TACC2: variants seen among roughly 807,000 people sequenced by gnomAD.
The protein encoded by TACC2 is transforming acidic coiled-coil containing protein 2.
Under a neutral mutation model 227.3 loss-of-function variants are expected in TACC2, and 137 were observed. That is an observed-to-expected ratio of 0.60 (90% CI 0.52 to 0.69). TACC2 has a LOEUF of 0.69. Among genes scored for constraint, TACC2 ranks in the 30% least tolerant of loss-of-function variants. The pLI is 0.00. For synonymous variants in TACC2, 1,523 were observed against 1,487.5 expected (o/e 1.02, Z -0.55); for missense variants, 3,470 against 3,694.4 (o/e 0.94, Z 1.57).
intron 3 of TACC2, among the ~76,000 whole-genome samples, chr10:122,077,543 G>A (rs922374254): frequency 1.3e-5 from 2 of 152,200 alleles, no homozygotes; most frequent in Non-Finnish European, 2.9e-5. Flanking sequence ...GGAGCTTCAT[G>A]CGGAATGAGG....
At chr10:122,164,864 T>C in intron 7 of TACC2, among the ~76,000 whole-genome samples, 1 of 152,084 alleles carries the variant, frequency 6.6e-6, no homozygotes, top group East Asian at 1.9e-4. Context: ...GTAGGGGTAG[T>C]AAAGTGGGTT....
intron 5 of TACC2, among the ~76,000 whole-genome samples, chr10:122,103,560 G>C (rs2082405151): frequency 6.6e-6 from 1 of 152,244 alleles, no homozygotes; most frequent in Admixed American, 6.5e-5. Flanking sequence ...CAGTTATTAA[G>C]TGGGGGAGGC....
At chr10:122,135,219 G>A (rs1343555988) in intron 6 of TACC2, among the ~76,000 whole-genome samples, 1 of 152,156 alleles carries the variant, frequency 6.6e-6, no homozygotes, top group African/African-American at 2.4e-5. Flanking sequence ...GCAGAGCTGC[G>A]GGAGAGCCAG....
At chr10:122,059,554 C>A (rs969783864) in intron 3 of TACC2, among the ~76,000 whole-genome samples, 1 of 82,010 alleles carries the variant, frequency 1.2e-5, no homozygotes, top group African/African-American at 3.3e-5. Flanking sequence ...CTCTCCTGTT[C>A]TCTCCTCTTT....
At position 122,210,069 on chromosome 10, in the gene TACC2, G is replaced by T; in HGVS notation, c.5972-328G>T. The T allele has an allele frequency of 3.1e-6, 1 of 319,406 alleles. No individual in the cohort carries two copies. The highest frequency in any genetic ancestry group is 6.5e-5 in the East Asian group (1 of 15,466). 19.8% of individuals were successfully genotyped at this position (319,406 alleles called of 1,614,324 possible). ...AAGGTTTTGTCTATTTCTGTTCCTT[G>T]TTGAATCTCTAGTACCTAGAACCAT... is the stretch of plus-strand genomic sequence containing the variant. On this transcript the variant is annotated intron_variant, in intron 8 of 22. Transcript: ENST00000369005. This position sits in a 1 kb window ranked among gnomAD's most constrained non-coding sequence, Gnocchi z 4.6.
chr10:122,078,728 A>T (rs2079118788), intron 3 of TACC2, among the ~76,000 whole-genome samples: 1 of 152,200 alleles, frequency 6.6e-6, no homozygotes, highest in African/African-American at 2.4e-5. Context: ...AGTTCTTAGA[A>T]TTTTTCCTGC....
At chr10:122,022,691 T>TC (rs1465306668) in intron 2 of TACC2, 1 of 141,172 alleles carries the variant, frequency 7.1e-6, no homozygotes, top group Admixed American at 7.6e-5. Context: ...TCCACACTGC[T>TC]CCCCCAAATA....
intron 3 of TACC2, among the ~76,000 whole-genome samples, chr10:122,056,127 AG>A (rs747771890): frequency 1.2e-4 from 19 of 152,208 alleles, no homozygotes; most frequent in Non-Finnish European, 2.2e-4. Flanking sequence ...GCCTCTGGGG[AG>A]TCTGATGCAG....
chr10:122,184,932 T>TGG (rs2094128111), intron 7 of TACC2, among the ~76,000 whole-genome samples: 1 of 151,918 alleles, frequency 6.6e-6, no homozygotes, highest in South Asian at 2.1e-4. Context: ...GCCAGGTGCT[T>TGG]GGGGAAGCTC....
chr10:122,219,465 A>G (rs370005668), intron 11 of TACC2, among the ~76,000 whole-genome samples: 1 of 152,180 alleles, frequency 6.6e-6, no homozygotes, highest in African/African-American at 2.4e-5. Context: ...AGCACCCTCA[A>G]CGTCGTAGGG....
chr10:122,219,209 C>T (rs1042308182), intron 11 of TACC2, among the ~76,000 whole-genome samples: 1 of 151,726 alleles, frequency 6.6e-6, no homozygotes, highest in African/African-American at 2.4e-5. Flanking sequence ...GCTGGAACAC[C>T]CTTCCCCCCA....
intron 8 of TACC2, among the ~76,000 whole-genome samples, chr10:122,207,745 A>G (rs1433439553): frequency 6.6e-6 from 1 of 152,230 alleles, no homozygotes. Context: ...TGGAGGAAGC[A>G]ATGAGCAGAT....
intron 3 of TACC2, among the ~76,000 whole-genome samples, chr10:122,060,729 G>T (rs1412009844): frequency 6.6e-6 from 1 of 152,242 alleles, no homozygotes; most frequent in Non-Finnish European, 1.5e-5. Context: ...AAGAGGCCAG[G>T]TGCGGTGGCT....
chr10:122,220,197 C>T (rs2095496829), intron 11 of TACC2, among the ~76,000 whole-genome samples: 1 of 151,904 alleles, frequency 6.6e-6, no homozygotes, highest in Non-Finnish European at 1.5e-5. Context: ...CTAATATATA[C>T]CTCATTCAAT....
chr10:122,162,157 C>A (rs1368086236), intron 7 of TACC2, among the ~76,000 whole-genome samples: 1 of 152,156 alleles, frequency 6.6e-6, no homozygotes, highest in East Asian at 1.9e-4. Context: ...TGGGAAATTT[C>A]ATGCTGTTAC....
At chr10:122,007,974 TC>T (rs1343020504) in intron 1 of TACC2, among the ~76,000 whole-genome samples, 1 of 152,168 alleles carries the variant, frequency 6.6e-6, no homozygotes, top group Admixed American at 6.6e-5. Flanking sequence ...TCTGACCACC[TC>T]AGGACTCTGC....
At chr10:122,157,595 G>A (rs1042746078) in intron 7 of TACC2, among the ~76,000 whole-genome samples, 5 of 151,608 alleles carry the variant, frequency 3.3e-5, no homozygotes, top group Admixed American at 3.3e-4. Flanking sequence ...TTTGGCTGTT[G>A]GGAAACTTAG....
rs1226924365 is a variant in TACC2 at position 122,096,693 on chromosome 10, C to A, written c.5573+8102C>A. 1.3e-4 allele frequency among the ~76,000 whole-genome samples: 14 copies of A among 108,948 alleles called. No homozygotes were observed. The South Asian group carries it at 4.0e-3, about 31-fold the overall frequency. 71.5% of individuals were successfully genotyped at this position (108,948 alleles called of 152,430 possible). ...CCTGGGCGACAGAGCAAAACTCCGT[C>A]TCAAAAAAAAAAAAAAAAAGACTGC... On this transcript the variant is annotated intron_variant, in intron 5 of 22. Coordinates refer to ENST00000369005, the MANE Select transcript of TACC2 (RefSeq NM_206862.4).
intron 8 of TACC2, among the ~76,000 whole-genome samples, chr10:122,200,758 C>A (rs370679741): frequency 7.0e-6 from 1 of 141,948 alleles, no homozygotes; most frequent in African/African-American, 2.7e-5. Context: ...ATGGGGAGGA[C>A]GGCCACCTCA....
Sources: gnomAD v4.1 joint callset for allele counts (sites outside exome capture counted in the v4.1 genomes callset) on GRCh38, gnomAD v4.1.1 for gene constraint, Gnocchi (gnomAD v3.1) non-coding constraint, MANE v1.5 for transcripts, NCBI Gene and HGNC (gene_info 2026-07-23, HGNC 2026-07-21) for gene names.